TMTC1: variants seen among roughly 807,000 people sequenced by gnomAD.
TMTC1 encodes the protein protein O-mannosyl-transferase TMTC1.
In TMTC1, 73 loss-of-function variants were observed where a neutral mutation model predicts 104.8. The observed-to-expected ratio is 0.70, with a 90% CI of 0.58 to 0.85. The LOEUF (loss-of-function observed/expected upper bound fraction) is 0.85, where lower values mean the gene tolerates loss of function less well. Ranked by LOEUF, TMTC1 falls within the 40% of genes least tolerant of loss-of-function variation. The pLI, the probability that TMTC1 is intolerant of heterozygous loss-of-function variation, is 0.00. For missense variants in TMTC1, 1,035 were observed against 1,096.1 expected, an observed-to-expected ratio of 0.94 and a Z score of 0.79; for synonymous variants, 434 against 428.7, an observed-to-expected ratio of 1.01 and a Z score of -0.15.
At chr12:29,639,859 A>T (rs543791084) in intron 5 of TMTC1, among the ~76,000 whole-genome samples, 1 of 152,362 alleles carries the variant, frequency 6.6e-6, no homozygotes, top group African/African-American at 2.4e-5. Flanking sequence ...AGCACAGAAG[A>T]CACAAAAGAA....
intron 5 of TMTC1, among the ~76,000 whole-genome samples, chr12:29,672,085 A>G (rs1337215001): frequency 1.3e-5 from 2 of 152,162 alleles, no homozygotes; most frequent in African/African-American, 4.8e-5. Flanking sequence ...GGAAGTTCCA[A>G]TCCCTGGAAG....
chr12:29,502,672 G>A lies in TMTC1; in HGVS notation c.*4174C>T, dbSNP rs777331655. ...CCAACCAATTGTGCCATACATCATTGTTAAGACTTCTTTGGCTCATTTTAG... is the reference window on the plus strand; with the variant it reads ...CCAACCAATTGTGCCATACATCATTATTAAGACTTCTTTGGCTCATTTTAG... On this transcript the variant is annotated 3_prime_UTR_variant, in exon 18 of 18. Transcript: ENST00000539277. 6.6e-6 allele frequency: 1 copy of A among 152,168 alleles called. No homozygotes were observed. The highest frequency in any genetic ancestry group is 1.5e-5 in the Non-Finnish European group (1 of 68,032). 9.4% of individuals were successfully genotyped at this position (152,168 alleles called of 1,614,324 possible).
At chr12:29,519,671 T>C (rs1365974026) in intron 12 of TMTC1, 1 of 151,960 alleles carries the variant, frequency 6.6e-6, no homozygotes, top group African/African-American at 2.4e-5. Context: ...TGTGGTGGGG[T>C]GGGACTGTTG....
chr12:29,662,597 C>T (rs1438199128), intron 5 of TMTC1, among the ~76,000 whole-genome samples: 1 of 147,718 alleles, frequency 6.8e-6, no homozygotes, highest in Non-Finnish European at 1.5e-5. Flanking sequence ...TTGCAGTGAG[C>T]CGAGATCGTG....
At chr12:29,780,121 C>T (rs1021073796) in intron 1 of TMTC1, among the ~76,000 whole-genome samples, 1 of 152,184 alleles carries the variant, frequency 6.6e-6, no homozygotes, top group African/African-American at 2.4e-5. Context: ...ATGCAGCCAC[C>T]ATATGGCCCA....
chr12:29,766,063 G>A (rs1943456403), intron 2 of TMTC1, among the ~76,000 whole-genome samples: 1 of 152,092 alleles, frequency 6.6e-6, no homozygotes, highest in East Asian at 1.9e-4. Context: ...CAGCAGAAAA[G>A]CTTTACTGAG....
intron 5 of TMTC1, among the ~76,000 whole-genome samples, chr12:29,741,805 T>C (rs566432354): frequency 1.3e-5 from 2 of 152,290 alleles, no homozygotes; most frequent in African/African-American, 4.8e-5. Context: ...ATTTCCTGCT[T>C]AGAAAAGTCT....
chr12:29,645,125 A>C (rs12824714), intron 5 of TMTC1, among the ~76,000 whole-genome samples: 21,380 of 152,232 alleles, frequency 0.14, 1,521 homozygotes, highest in Non-Finnish European at 0.15. Flanking sequence ...TATGGGTTTT[A>C]AGAAATCAGC....
At chr12:29,538,907 A>G (rs1396150407) in intron 10 of TMTC1, among the ~76,000 whole-genome samples, 2 of 152,180 alleles carry the variant, frequency 1.3e-5, no homozygotes, top group Non-Finnish European at 2.9e-5. Context: ...CTCCTGGAGG[A>G]TTCTCCTTTT....
At chr12:29,615,378 T>C (rs1946950256) in intron 6 of TMTC1, among the ~76,000 whole-genome samples, 1 of 152,172 alleles carries the variant, frequency 6.6e-6, no homozygotes, top group Non-Finnish European at 1.5e-5. Context: ...CACTTTCTAC[T>C]TAGAGAAGGC....
chr12:29,705,907 T>C (rs1565782589), intron 5 of TMTC1, among the ~76,000 whole-genome samples: 1 of 152,088 alleles, frequency 6.6e-6, no homozygotes, highest in Non-Finnish European at 1.5e-5. Context: ...GCTTACATTA[T>C]GTCTAATTCC....
chr12:29,631,900 A>G (rs1938317967), intron 6 of TMTC1, among the ~76,000 whole-genome samples: 1 of 152,204 alleles, frequency 6.6e-6, no homozygotes, highest in Admixed American at 6.5e-5. Flanking sequence ...GGCAGAGGTT[A>G]TACATGGATA....
intron 5 of TMTC1, among the ~76,000 whole-genome samples, chr12:29,745,636 A>AG (rs1942936319): frequency 1.3e-5 from 2 of 151,254 alleles, no homozygotes; most frequent in Non-Finnish European, 2.9e-5. Flanking sequence ...AAAAAAAAAA[A>AG]AAAGAAAGAA....
In TMTC1 at chr12:29,684,059, G is replaced by T. The variant is rs528736298; in HGVS notation, c.939-50723C>A. Among the ~76,000 whole-genome samples, 22 of 152,212 alleles carry T rather than the reference G, an allele frequency of 1.4e-4. No individual in the cohort carries two copies. The South Asian group carries it at 4.1e-3, about 29-fold the overall frequency. The stretch of plus-strand genomic sequence containing the variant: ...GGGTTTCGCCATTTTGGCCAGGCTG[G>T]CCTCAAACTCCTGAGTTCAAGCAAT... On this transcript the variant is annotated intron_variant, in intron 5 of 17. Transcript: ENST00000539277.
At chr12:29,615,577 G>A (rs1214675293) in intron 6 of TMTC1, among the ~76,000 whole-genome samples, 1 of 152,118 alleles carries the variant, frequency 6.6e-6, no homozygotes, top group African/African-American at 2.4e-5. Context: ...GGTGAAACTT[G>A]CCTCCCCAAA....
At chr12:29,677,384 G>A (rs11829686) in intron 5 of TMTC1, among the ~76,000 whole-genome samples, 5,864 of 152,120 alleles carry the variant, frequency 0.039, 349 homozygotes, top group African/African-American at 0.13. Context: ...CATAAAATAT[G>A]TGCCATAAAA....
chr12:29,516,509 G>T (rs1592154167), intron 14 of TMTC1, 23 bp from the exon 15 acceptor site: 1 of 1,605,002 alleles, frequency 6.2e-7, no homozygotes, highest in East Asian at 2.2e-5. Flanking sequence ...ATGGACCTTG[G>T]CTTAGCAGAG....
chr12:29,535,711 A>G (rs1302462023), intron 11 of TMTC1: 2 of 157,310 alleles, frequency 1.3e-5, no homozygotes, highest in African/African-American at 4.8e-5. Context: ...CAAATCATTT[A>G]GACACGACTG....
At chr12:29,558,290 C>T (rs559461854) in intron 9 of TMTC1, among the ~76,000 whole-genome samples, 2 of 152,236 alleles carry the variant, frequency 1.3e-5, no homozygotes, top group South Asian at 4.1e-4. Flanking sequence ...GTAATAAAAA[C>T]GGGATCTGTA....
Sources: allele counts gnomAD v4.1 joint callset (sites outside exome capture counted in the v4.1 genomes callset), GRCh38; gene constraint gnomAD v4.1.1; transcripts MANE v1.5; gene names NCBI Gene and HGNC (gene_info 2026-07-23, HGNC 2026-07-21).